The following CDH13 variants were observed in gnomAD, a reference collection of about 807,000 sequenced individuals.
CDH13 encodes the protein cadherin 13.
In CDH13, 24 loss-of-function variants were observed where a neutral mutation model predicts 63.8. The observed-to-expected ratio is 0.38, with a 90% CI of 0.27 to 0.53. The LOEUF (loss-of-function observed/expected upper bound fraction) is 0.53, where lower values mean the gene tolerates loss of function less well. Ranked by LOEUF, CDH13 falls within the 20% of genes least tolerant of loss-of-function variation. The probability of loss-of-function intolerance (pLI) is 0.85; values close to 1 mark genes in which losing one functional copy is unlikely to be tolerated. For synonymous variants in CDH13, 503 were observed against 355.3 expected, an observed-to-expected ratio of 1.42 and a Z score of -4.67; for missense variants, 1,049 against 903.1, an observed-to-expected ratio of 1.16 and a Z score of -2.07.
intron 6 of CDH13, among the ~76,000 whole-genome samples, chr16:83,387,900 T>G (rs2091706263): frequency 6.6e-6 from 1 of 152,226 alleles, no homozygotes; most frequent in Admixed American, 6.5e-5. Flanking sequence ...TATGCTCATT[T>G]TAACACAAAG....
chr16:82,680,598 C>T (rs968893444), intron 1 of CDH13, among the ~76,000 whole-genome samples: 2 of 152,180 alleles, frequency 1.3e-5, no homozygotes, highest in Non-Finnish European at 1.5e-5. Flanking sequence ...ATGGGTTACT[C>T]TGTCAGTGAT....
chr16:83,035,756 T>C (rs954313603), intron 3 of CDH13, among the ~76,000 whole-genome samples: 1 of 152,200 alleles, frequency 6.6e-6, no homozygotes, highest in African/African-American at 2.4e-5. Flanking sequence ...TTCAGTCAAT[T>C]GCTTTACCTC....
intron 5 of CDH13, among the ~76,000 whole-genome samples, chr16:83,334,043 AT>A: frequency 6.6e-6 from 1 of 151,988 alleles, no homozygotes; most frequent in Admixed American, 6.5e-5. Flanking sequence ...GGAAAAACCC[AT>A]TTCCTTGCCT....
intron 6 of CDH13, among the ~76,000 whole-genome samples, chr16:83,385,243 C>T (rs182998361): frequency 6.6e-6 from 1 of 152,142 alleles, no homozygotes; most frequent in Non-Finnish European, 1.5e-5. Context: ...TAAATAGTAC[C>T]AGTTTTTGTA....
chr16:82,923,218 A>C (rs1466574618), intron 2 of CDH13, among the ~76,000 whole-genome samples: 1 of 152,212 alleles, frequency 6.6e-6, no homozygotes, highest in Non-Finnish European at 1.5e-5. Flanking sequence ...GTATGCCTGT[A>C]ATAATTTCTG....
chr16:82,681,485 T>C (rs1914539820), intron 1 of CDH13, among the ~76,000 whole-genome samples: 2 of 152,256 alleles, frequency 1.3e-5, no homozygotes, highest in Non-Finnish European at 2.9e-5. Flanking sequence ...TTTTATGTTA[T>C]GTTTGTTTTC....
intron 4 of CDH13, among the ~76,000 whole-genome samples, chr16:83,183,154 C>G (rs995989905): frequency 1.3e-5 from 2 of 152,122 alleles, no homozygotes; most frequent in South Asian, 4.1e-4. Context: ...ATTTGTATTT[C>G]AACCTGATAA....
At chr16:82,969,810 G>C (rs943589283) in intron 2 of CDH13, among the ~76,000 whole-genome samples, 5 of 152,122 alleles carry the variant, frequency 3.3e-5, no homozygotes, top group African/African-American at 1.2e-4. Flanking sequence ...GGAATGGACT[G>C]CCACAGCCAA....
chr16:83,566,443 G>A (rs890838576), intron 7 of CDH13, among the ~76,000 whole-genome samples: 3 of 152,028 alleles, frequency 2.0e-5, no homozygotes, highest in Non-Finnish European at 4.4e-5. Context: ...GTGGGAAACC[G>A]AAACACCCTT....
chr16:82,667,809 T>TGTCTTG (rs1398950187), intron 1 of CDH13, among the ~76,000 whole-genome samples: 4 of 152,192 alleles, frequency 2.6e-5, no homozygotes, highest in African/African-American at 9.7e-5. Flanking sequence ...TCTGTACCTC[T>TGTCTTG]GTCTTGCTAT....
rs1272200120 is a variant in CDH13 at position 82,921,612 on chromosome 16, T to C, written c.157+63139T>C. On this transcript the variant is annotated intron_variant, in intron 2 of 13. Transcript: ENST00000567109. ...AGGATCTGACATCTTTGGGACCCAT[T>C]ATCAGTCTACTAACTATGTTATTAA... Among the ~76,000 whole-genome samples, 4 of 152,232 alleles carry C rather than the reference T, an allele frequency of 2.6e-5. No homozygotes were observed. In the East Asian group the frequency reaches 7.7e-4, roughly 29 times the overall value.
At chr16:83,070,349 A>G (rs1418493083) in intron 3 of CDH13, among the ~76,000 whole-genome samples, 1 of 152,226 alleles carries the variant, frequency 6.6e-6, no homozygotes, top group Admixed American at 6.5e-5. Flanking sequence ...CATAAGTACC[A>G]AGGAATTCAT....
At chr16:82,829,400 T>A (rs960518377) in intron 1 of CDH13, 1 of 152,078 alleles carries the variant, frequency 6.6e-6, no homozygotes, top group Non-Finnish European at 1.5e-5. Flanking sequence ...TATATACTCT[T>A]GGGCTTGAAA....
At chr16:83,776,284 A>T (rs1915108986) in intron 11 of CDH13, among the ~76,000 whole-genome samples, 1 of 152,368 alleles carries the variant, frequency 6.6e-6, no homozygotes, top group East Asian at 1.9e-4. Flanking sequence ...AGAGTGAAAA[A>T]ACATAATGGA....
intron 7 of CDH13, among the ~76,000 whole-genome samples, chr16:83,512,341 TAAA>T (rs2074589940): frequency 4.3e-5 from 6 of 139,212 alleles, no homozygotes; most frequent in Non-Finnish European, 7.7e-5. Flanking sequence ...AATAAATAAA[TAAA>T]TAAATAAATA....
At chr16:82,850,158 A>G (rs2039424235) in intron 1 of CDH13, among the ~76,000 whole-genome samples, 1 of 152,244 alleles carries the variant, frequency 6.6e-6, no homozygotes, top group African/African-American at 2.4e-5. Context: ...GATCAGGACA[A>G]AATGAGTCAA....
chr16:83,190,625 G>T (rs1307672650), intron 4 of CDH13, among the ~76,000 whole-genome samples: 1 of 152,100 alleles, frequency 6.6e-6, no homozygotes, highest in Non-Finnish European at 1.5e-5. Flanking sequence ...TATAGAGACT[G>T]ATCAATTTAC....
At chr16:83,001,051 C>G (rs1410922461) in intron 2 of CDH13, among the ~76,000 whole-genome samples, 1 of 152,214 alleles carries the variant, frequency 6.6e-6, no homozygotes, top group Non-Finnish European at 1.5e-5. Flanking sequence ...CATAGAGCTT[C>G]CTTTGTGAAT....
chr16:83,771,386 G>C (rs1237737127), intron 11 of CDH13, among the ~76,000 whole-genome samples: 1 of 152,224 alleles, frequency 6.6e-6, no homozygotes. Context: ...AAATCCAGCA[G>C]TGGAATCCAT....
Sources: allele counts gnomAD v4.1 joint callset (sites outside exome capture counted in the v4.1 genomes callset), GRCh38; gene constraint gnomAD v4.1.1; transcripts MANE v1.5; gene names NCBI Gene and HGNC (gene_info 2026-07-23, HGNC 2026-07-21).